The following SUSD1 variants were observed in gnomAD, a reference collection of about 807,000 sequenced individuals.
SUSD1 encodes sushi domain-containing protein 1.
A neutral mutation model predicts 86.9 loss-of-function variants in SUSD1; 65 were observed. That is an observed-to-expected ratio of 0.75 (90% CI 0.61 to 0.92). SUSD1 has a LOEUF of 0.92. SUSD1 is among the 40% of genes least tolerant of loss of function. SUSD1 has a pLI of 0.00. For synonymous variants in SUSD1, 346 were observed against 350.0 expected, an observed-to-expected ratio of 0.99 and a Z score of 0.13; for missense variants, 850 against 929.7, an observed-to-expected ratio of 0.91 and a Z score of 1.11.
chr9:112,070,381 C>T (rs919723888), intron 12 of SUSD1, among the ~76,000 whole-genome samples: 1 of 152,200 alleles, frequency 6.6e-6, no homozygotes, highest in Non-Finnish European at 1.5e-5. Flanking sequence ...TGGTTCTCAG[C>T]CACATTTCGA....
At chr9:112,067,340 C>T (rs922369550) in intron 12 of SUSD1, among the ~76,000 whole-genome samples, 1 of 152,250 alleles carries the variant, frequency 6.6e-6, no homozygotes, top group Admixed American at 6.5e-5. Flanking sequence ...CCACGTGTGA[C>T]TGAAGCTTGC....
At chr9:112,105,082 A>G (rs1830781475) in intron 8 of SUSD1, 1 of 152,234 alleles carries the variant, frequency 6.6e-6, no homozygotes, top group Non-Finnish European at 1.5e-5. Context: ...AGAAGCAGAA[A>G]TAAAAAGGGA....
intron 13 of SUSD1, among the ~76,000 whole-genome samples, chr9:112,060,213 C>A (rs140707012): frequency 1.3e-5 from 2 of 152,104 alleles, no homozygotes; most frequent in Non-Finnish European, 2.9e-5. Flanking sequence ...AGTCTCCCCC[C>A]ACCAGGTTCC....
chr9:112,120,913 C>T (rs1831528268), intron 6 of SUSD1, among the ~76,000 whole-genome samples: 1 of 152,194 alleles, frequency 6.6e-6, no homozygotes, highest in African/African-American at 2.4e-5. Flanking sequence ...CCAGCTCTTA[C>T]CAAGTGACTC....
chr9:112,151,990 C>T (rs547395028), intron 2 of SUSD1, among the ~76,000 whole-genome samples: 4 of 151,278 alleles, frequency 2.6e-5, no homozygotes, highest in South Asian at 4.2e-4. Flanking sequence ...GCCAAGATCG[C>T]GCCATTGCAC....
intron 2 of SUSD1, among the ~76,000 whole-genome samples, chr9:112,152,823 T>C (rs1833123751): frequency 7.2e-6 from 1 of 138,936 alleles, no homozygotes; most frequent in Non-Finnish European, 1.5e-5. Flanking sequence ...GGTGTGACCA[T>C]AGCTCACTGC....
rs929869077 is a variant in SUSD1 at position 112,068,217 on chromosome 9, C to G, written c.1754-5184G>C. ...GTGAGGAGGAACATCTAACTGAAGG[C>G]AGGGAGCTGAGCCTATCAAACACGG... On this transcript the variant is annotated intron_variant, in intron 12 of 16. Transcript: ENST00000374270. Among the ~76,000 whole-genome samples, 3 of 152,090 alleles carry G rather than the reference C, an allele frequency of 2.0e-5. No individual in the cohort carries two copies. The East Asian group carries it at 5.8e-4, about 29-fold the overall frequency.
chr9:112,092,822 C>T (rs1830255493), intron 10 of SUSD1, among the ~76,000 whole-genome samples: 1 of 152,066 alleles, frequency 6.6e-6, no homozygotes, highest in Non-Finnish European at 1.5e-5. Context: ...ATGTCAAAAA[C>T]ATCGTAAACA....
At chr9:112,066,119 T>C (rs1306544696) in intron 12 of SUSD1, among the ~76,000 whole-genome samples, 6 of 152,180 alleles carry the variant, frequency 3.9e-5, no homozygotes, top group Non-Finnish European at 5.9e-5. Context: ...CTCCAAAGTC[T>C]CCTTCGCTAC....
In SUSD1 at chr9:112,110,563, C is replaced by CT. The variant is rs913064649; in HGVS notation, c.1171+1090dup. 6.9e-3 allele frequency among the ~76,000 whole-genome samples: 983 copies of CT among 143,402 alleles called. 10 individuals carry two copies. The highest frequency in any genetic ancestry group is 0.026 in the East Asian group (128 of 4,858). The allele number at this position is 143,402 out of a possible 152,430, so 94.1% of individuals were successfully genotyped here. A position where few individuals can be genotyped will look rare whatever the true frequency, so the allele number is the denominator to read the frequency against. ...CATCACACCAAGCTAAATTTTCTTTCTTTTTTTTTTTTGTAGAGATGGGGC... is the reference window on the plus strand; with the variant it reads ...CATCACACCAAGCTAAATTTTCTTTCTTTTTTTTTTTTTGTAGAGATGGGGC... On this transcript the variant is annotated intron_variant, in intron 8 of 16. Transcript: ENST00000374270.
chr9:112,061,870 G>T (rs1216672822), intron 13 of SUSD1, among the ~76,000 whole-genome samples: 1 of 151,694 alleles, frequency 6.6e-6, no homozygotes, highest in Non-Finnish European at 1.5e-5. Flanking sequence ...GGCAATGTTG[G>T]TGAGGCCATG....
chr9:112,160,916 T>C (rs1454682709), intron 1 of SUSD1, among the ~76,000 whole-genome samples: 1 of 152,018 alleles, frequency 6.6e-6, no homozygotes, highest in Non-Finnish European at 1.5e-5. Context: ...CGGGAGAAAA[T>C]GAACCAGAAG....
chr9:112,052,210 T>C (rs1295979751), intron 15 of SUSD1, 189 bp downstream of exon 15: 6 of 1,525,218 alleles, frequency 3.9e-6, no homozygotes, highest in Middle Eastern at 1.8e-4. Context: ...TAGCTCTTTG[T>C]ATAATTCCAT....
chr9:112,118,964 T>C (rs1215820999), intron 6 of SUSD1, among the ~76,000 whole-genome samples: 2 of 152,120 alleles, frequency 1.3e-5, no homozygotes, highest in Non-Finnish European at 2.9e-5. Flanking sequence ...ATGGCAAACA[T>C]TGTGTCAGGG....
intron 6 of SUSD1, among the ~76,000 whole-genome samples, chr9:112,115,097 C>T (rs1011196989): frequency 1.3e-5 from 2 of 152,140 alleles, no homozygotes; most frequent in African/African-American, 4.8e-5. Flanking sequence ...AAATGACTCT[C>T]CACAACTCAG....
intron 5 of SUSD1, among the ~76,000 whole-genome samples, chr9:112,133,258 T>C (rs1832108905): frequency 6.6e-6 from 1 of 152,092 alleles, no homozygotes; most frequent in African/African-American, 2.4e-5. Context: ...CTGGGCAACC[T>C]CATGTCTGAA....
At chr9:112,157,307 T>C (rs988061968) in intron 2 of SUSD1, among the ~76,000 whole-genome samples, 193 bp downstream of exon 2, 3 of 152,260 alleles carry the variant, frequency 2.0e-5, no homozygotes, top group Non-Finnish European at 4.4e-5. Flanking sequence ...TGAGGAATAC[T>C]ATCTTGGAAA....
At chr9:112,052,238 C>T (rs1828245904) in intron 15 of SUSD1, 161 bp downstream of exon 15, 3 of 1,537,756 alleles carry the variant, frequency 2.0e-6, no homozygotes, top group Admixed American at 2.0e-5. Context: ...CATCCACTCA[C>T]CCTCCTCCCA....
At position 112,175,154 on chromosome 9, in the gene SUSD1, C is replaced by T; in HGVS notation, c.82G>A (p.Ala28Thr). The T allele has an allele frequency of 1.8e-6, 2 of 1,082,016 alleles. No individual in the cohort carries two copies. Among genetic ancestry groups the T allele is most frequent in the Non-Finnish European group, 2.2e-6 (2 of 894,946 alleles). 67.0% of individuals were successfully genotyped at this position (1,082,016 alleles called of 1,614,324 possible). ...TCACCGTCGGGGCCCGGCGCTCCCG[C>T]GGCGCCGCGGGCCAGGCCGAGCAGC... ...LLLLGLARGA[A>T]GAPGPDGLDV... The change falls in exon 1 of 17, where the codon GCG becomes ACG. Residue 28 changes from alanine to threonine, a missense_variant. Coordinates refer to ENST00000374270, the MANE Select transcript of SUSD1 (RefSeq NM_022486.5). The surrounding 1 kb of genome is among the most constrained non-coding windows in gnomAD (Gnocchi z 4.7).
Sources: gnomAD v4.1 joint callset for allele counts (sites outside exome capture counted in the v4.1 genomes callset) on GRCh38, gnomAD v4.1.1 for gene constraint, Gnocchi (gnomAD v3.1) non-coding constraint, MANE v1.5 for transcripts, NCBI Gene and HGNC (gene_info 2026-07-23, HGNC 2026-07-21) for gene names.